Variants in LTBP1 observed in about 807,000 individuals in gnomAD.
LTBP1 encodes the protein latent-transforming growth factor beta-binding protein 1.
LTBP1 carries 129 observed loss-of-function variants against 207.6 expected under a neutral mutation model. The ratio of observed to expected loss-of-function variants is 0.62; its 90% confidence interval spans 0.54 to 0.72. LTBP1 has a LOEUF of 0.72. Ranked by LOEUF, LTBP1 falls within the 30% of genes least tolerant of loss-of-function variation. The pLI is 0.00. For missense variants in LTBP1, 2,281 were observed against 2,217.2 expected (o/e 1.03, Z -0.58); for synonymous variants, 963 against 833.7 (o/e 1.16, Z -2.67).
At chr2:33,069,517 G>C (rs1295747317) in intron 3 of LTBP1, among the ~76,000 whole-genome samples, 2 of 152,118 alleles carry the variant, frequency 1.3e-5, no homozygotes, top group Non-Finnish European at 2.9e-5. Context: ...GGCATCTCTG[G>C]GGTGAACAGA....
chr2:33,247,748 C>T (rs2092557234), intron 10 of LTBP1, among the ~76,000 whole-genome samples: 1 of 152,226 alleles, frequency 6.6e-6, no homozygotes, highest in South Asian at 2.1e-4. Context: ...GCCTGTGTAA[C>T]TGAGGAATTG....
Position 33,373,333 on chromosome 2 carries a change from G to C in LTBP1, c.4711+7830G>C, listed in dbSNP as rs115073122. ...ACAGAGGCATGGTCCTCTCAGTGTT[G>C]CTAAGAGAGCAGTTTGAAGAGACAG... On this transcript the variant is annotated intron_variant, in intron 31 of 33. Coordinates refer to ENST00000404816, the MANE Select transcript of LTBP1 (RefSeq NM_206943.4). Among the ~76,000 whole-genome samples, 404 of 152,322 alleles carry C rather than the reference G, an allele frequency of 2.7e-3. 1 individual carries two copies. The highest frequency in any genetic ancestry group is 9.2e-3 in the African/African-American group (381 of 41,544).
intron 4 of LTBP1, among the ~76,000 whole-genome samples, chr2:33,114,226 G>A (rs902101169): frequency 6.6e-6 from 1 of 152,182 alleles, no homozygotes; most frequent in African/African-American, 2.4e-5. Flanking sequence ...ATTTGCATCC[G>A]TATCATCTAG....
intron 24 of LTBP1, among the ~76,000 whole-genome samples, chr2:33,332,684 G>A (rs977621750): frequency 6.6e-6 from 1 of 151,984 alleles, no homozygotes; most frequent in Non-Finnish European, 1.5e-5. Context: ...AGCCTCCCAA[G>A]TAGCTGGGAC....
rs189421218 is a variant in LTBP1, at chr2:33,208,181, G to A, written c.1702-9371G>A. Among the ~76,000 whole-genome samples the A allele has an allele frequency of 3.9e-5, 6 of 152,340 alleles. No homozygotes were observed. In the East Asian group the frequency reaches 1.2e-3, roughly 29 times the overall value. On this transcript the variant is annotated intron_variant, in intron 7 of 33. Transcript: ENST00000404816. ...CAGAATGTTAGAGTAATGTGCTTCT[G>A]AATGTGGATGGAGGTGAGGATGGCA... is the stretch of plus-strand genomic sequence containing the variant.
At chr2:33,281,833 A>G (rs954676447) in intron 19 of LTBP1, among the ~76,000 whole-genome samples, 5 of 152,160 alleles carry the variant, frequency 3.3e-5, no homozygotes, top group Admixed American at 1.3e-4. Context: ...CCCATTTGGC[A>G]TAAATTTCAT....
chr2:33,382,015 C>T (rs773881130), intron 31 of LTBP1, among the ~76,000 whole-genome samples: 1 of 145,134 alleles, frequency 6.9e-6, no homozygotes, highest in Non-Finnish European at 1.5e-5. Context: ...TGTTAGCTAA[C>T]TCTCTTGTTT....
chr2:32,993,670 A>G (rs1375627898), intron 2 of LTBP1, among the ~76,000 whole-genome samples: 1 of 152,176 alleles, frequency 6.6e-6, no homozygotes, highest in Non-Finnish European at 1.5e-5. Flanking sequence ...GTGTGGGGAA[A>G]ACAGGACTCC....
At chr2:33,344,557 T>G (rs544364350) in intron 25 of LTBP1, among the ~76,000 whole-genome samples, 1 of 152,226 alleles carries the variant, frequency 6.6e-6, no homozygotes, top group East Asian at 1.9e-4. Flanking sequence ...TCACTCGTTC[T>G]TGAAGACTGA....
At chr2:33,368,113 A>G (rs1026739730) in intron 31 of LTBP1, among the ~76,000 whole-genome samples, 36 of 152,126 alleles carry the variant, frequency 2.4e-4, no homozygotes, top group Admixed American at 6.5e-5. Flanking sequence ...AGGCTGAGGC[A>G]GGAGAATAGC....
chr2:33,266,544 A>G (rs994808732), intron 15 of LTBP1, among the ~76,000 whole-genome samples: 2 of 152,178 alleles, frequency 1.3e-5, no homozygotes, highest in African/African-American at 2.4e-5. Context: ...TTGGCCAATC[A>G]GATGGTGTTT....
intron 2 of LTBP1, among the ~76,000 whole-genome samples, chr2:32,959,376 C>T (rs916766438): frequency 6.6e-6 from 1 of 151,586 alleles, no homozygotes; most frequent in Non-Finnish European, 1.5e-5. Context: ...TAGCATGCTA[C>T]CAGTAAGAAG....
intron 3 of LTBP1, among the ~76,000 whole-genome samples, chr2:33,035,883 A>T (rs114960227): frequency 0.014 from 2,130 of 152,368 alleles, 52 homozygotes; most frequent in African/African-American, 0.049. Context: ...AGCTGAAGAA[A>T]TAAAAACACT....
chr2:33,114,251 A>T (rs1382255289), intron 4 of LTBP1, among the ~76,000 whole-genome samples: 1 of 152,238 alleles, frequency 6.6e-6, no homozygotes, highest in Non-Finnish European at 1.5e-5. Flanking sequence ...GGGATTGGCA[A>T]ACTTTTAGGG....
At chr2:33,298,508 C>G (rs2093923334) in intron 20 of LTBP1, among the ~76,000 whole-genome samples, 2 of 152,174 alleles carry the variant, frequency 1.3e-5, no homozygotes, top group South Asian at 4.1e-4. Flanking sequence ...TGAGATCCAG[C>G]CAGCTACAAG....
chr2:33,382,799 G>A (rs183509675), intron 31 of LTBP1, among the ~76,000 whole-genome samples: 410 of 152,340 alleles, frequency 2.7e-3, no homozygotes, highest in African/African-American at 9.2e-3. Context: ...GGTGTTTGCA[G>A]TGTATCCAGT....
At chr2:33,051,133 C>T (rs555514737) in intron 3 of LTBP1, among the ~76,000 whole-genome samples, 1 of 152,196 alleles carries the variant, frequency 6.6e-6, no homozygotes, top group African/African-American at 2.4e-5. Flanking sequence ...AACTATAGTC[C>T]CCGCCCGTTG....
Position 33,399,181 on chromosome 2 carries a change from T to C in LTBP1, c.*636T>C, listed in dbSNP as rs1467246762. 2 of 152,620 alleles carry C rather than the reference T, an allele frequency of 1.3e-5. No individual in the cohort carries two copies. Among genetic ancestry groups the C allele is most frequent in the Admixed American group, 1.3e-4 (2 of 15,286 alleles). 9.5% of individuals were successfully genotyped at this position (152,620 alleles called of 1,614,324 possible). On this transcript the variant is annotated 3_prime_UTR_variant, in exon 34 of 34. Coordinates refer to ENST00000404816, the MANE Select transcript of LTBP1 (RefSeq NM_206943.4). ...TGTTTTGTCTGATTTTAATGTCCGT[T>C]CTTAGCCAAGCTGCTAGCAGGTGTT...
chr2:33,224,324 A>G (rs1333579025), intron 9 of LTBP1, among the ~76,000 whole-genome samples: 3 of 152,132 alleles, frequency 2.0e-5, no homozygotes, highest in East Asian at 1.9e-4. Flanking sequence ...CACTAATCCA[A>G]TCCTGCATAG....
Sources: allele counts gnomAD v4.1 joint callset (sites outside exome capture counted in the v4.1 genomes callset), GRCh38; gene constraint gnomAD v4.1.1; transcripts MANE v1.5; gene names NCBI Gene and HGNC (gene_info 2026-07-23, HGNC 2026-07-21).